CREB5: variants seen among roughly 807,000 people sequenced by gnomAD.
CREB5 encodes cAMP responsive element binding protein 5.
Under a neutral mutation model 57.1 loss-of-function variants are expected in CREB5, and 19 were observed. That is an observed-to-expected ratio of 0.33 (90% CI 0.23 to 0.49). The LOEUF is 0.49. Among genes scored for constraint, CREB5 ranks in the 20% least tolerant of loss-of-function variants. The pLI is 0.99. For missense variants in CREB5, 579 were observed against 671.6 expected, an observed-to-expected ratio of 0.86 and a Z score of 1.52; for synonymous variants, 238 against 238.3, an observed-to-expected ratio of 1.00 and a Z score of 0.01.
rs558753760 is a variant in CREB5, at chr7:28,494,732, C to T, written c.76-174C>T. 1.5e-4 allele frequency among the ~76,000 whole-genome samples: 23 copies of T among 151,130 alleles called. No homozygotes were observed. In the South Asian group the frequency reaches 4.4e-3, roughly 29 times the overall value. ...CAGCACATTTGCTTGCATAAAAAAG[C>T]TTTGCAACTTCACTTACTCATGCTT... On this transcript the variant is annotated intron_variant, in intron 2 of 10. Coordinates refer to ENST00000357727, the MANE Select transcript of CREB5 (RefSeq NM_182898.4).
At chr7:28,719,965 C>G (rs146888966) in intron 6 of CREB5, among the ~76,000 whole-genome samples, 1,613 of 152,264 alleles carry the variant, frequency 0.011, 38 homozygotes, top group African/African-American at 0.037. Flanking sequence ...GAAGCTGAGG[C>G]AGGAGAATCG....
intron 4 of CREB5, among the ~76,000 whole-genome samples, chr7:28,511,284 C>G (rs1369971442): frequency 6.6e-6 from 1 of 151,880 alleles, no homozygotes; most frequent in South Asian, 2.1e-4. Flanking sequence ...CAGGTACGTA[C>G]TGGGGAGAAG....
At chr7:28,401,081 T>A (rs1787452233) in intron 1 of CREB5, among the ~76,000 whole-genome samples, 1 of 152,246 alleles carries the variant, frequency 6.6e-6, no homozygotes, top group Non-Finnish European at 1.5e-5. Context: ...CAGGTGTCAA[T>A]CTCTTTCACT....
intron 1 of CREB5, among the ~76,000 whole-genome samples, chr7:28,451,465 T>C (rs1789803066): frequency 6.7e-6 from 1 of 149,888 alleles, no homozygotes. Flanking sequence ...TGTGTGTGTG[T>C]GTGTGTGTGT....
chr7:28,728,930 A>G (rs181842162), intron 7 of CREB5, among the ~76,000 whole-genome samples: 278 of 152,254 alleles, frequency 1.8e-3, no homozygotes, highest in Non-Finnish European at 3.2e-3. Flanking sequence ...AGAGAAAAGC[A>G]GTATGTCTGT....
At chr7:28,754,464 A>T (rs1430502450) in intron 7 of CREB5, among the ~76,000 whole-genome samples, 1 of 152,194 alleles carries the variant, frequency 6.6e-6, no homozygotes, top group Non-Finnish European at 1.5e-5. Flanking sequence ...AAAAGATGGT[A>T]CCTTCCGTTT....
At chr7:28,668,487 C>T (rs189809973) in intron 5 of CREB5, among the ~76,000 whole-genome samples, 27 of 152,126 alleles carry the variant, frequency 1.8e-4, no homozygotes, top group Admixed American at 1.3e-4. Context: ...TGGTTTTATA[C>T]GATGACAAAA....
intron 1 of CREB5, among the ~76,000 whole-genome samples, chr7:28,339,260 T>C (rs995401331): frequency 6.6e-6 from 1 of 152,140 alleles, no homozygotes; most frequent in Non-Finnish European, 1.5e-5. Context: ...TAGCCATCCT[T>C]CTTGAAAAGG....
chr7:28,784,860 C>T (rs1807220350), intron 7 of CREB5, among the ~76,000 whole-genome samples: 2 of 152,212 alleles, frequency 1.3e-5, no homozygotes, highest in South Asian at 2.1e-4. Context: ...TGTGGGGAAT[C>T]GAAGCGGCTG....
intron 4 of CREB5, among the ~76,000 whole-genome samples, chr7:28,547,660 A>G (rs1794470443): frequency 6.6e-6 from 1 of 152,240 alleles, no homozygotes; most frequent in Non-Finnish European, 1.5e-5. Context: ...ACTGGTCACC[A>G]TAGCCTAGCT....
chr7:28,671,452 G>A (rs540393809), intron 5 of CREB5, among the ~76,000 whole-genome samples: 1 of 152,242 alleles, frequency 6.6e-6, no homozygotes, highest in African/African-American at 2.4e-5. Context: ...ACTCTTAGAT[G>A]TTGCTAGTTC....
At chr7:28,625,874 A>G (rs1797981241) in intron 5 of CREB5, among the ~76,000 whole-genome samples, 1 of 152,198 alleles carries the variant, frequency 6.6e-6, no homozygotes, top group Non-Finnish European at 1.5e-5. Flanking sequence ...CAATAAGAAC[A>G]ATTTTCTGAA....
chr7:28,809,245 C>G lies in CREB5; in HGVS notation c.1085C>G (p.Thr362Arg), dbSNP rs1364819784. 1 of 1,614,152 alleles carries G rather than the reference C, an allele frequency of 6.2e-7. No individual in the cohort carries two copies. Among genetic ancestry groups the G allele is most frequent in the Non-Finnish European group, 8.5e-7 (1 of 1,180,028 alleles). ...CAGACAATACAGCCACCCCAGCCCACAGGGGGGCGCCGGCGAAGGGTGGTA... is the reference window on the plus strand; with the variant it reads ...CAGACAATACAGCCACCCCAGCCCAGAGGGGGGCGCCGGCGAAGGGTGGTA... Reference protein sequence around the residue: ...PTQTIQPPQPTGGRRRRVVDE... With the variant: ...PTQTIQPPQPRGGRRRRVVDE... Residue 362 changes from threonine (T) to arginine (R), a missense_variant, in exon 9 of 11, where the codon ACA (threonine) becomes AGA (arginine). Physicochemically the swap from Thr to Arg is moderately conservative, Grantham distance 71. Coordinates refer to ENST00000357727, the MANE Select transcript of CREB5 (RefSeq NM_182898.4).
intron 5 of CREB5, among the ~76,000 whole-genome samples, chr7:28,705,378 A>AAAAAG (rs747315600): frequency 7.0e-4 from 26 of 37,144 alleles, no homozygotes; most frequent in Admixed American, 5.0e-3. Context: ...AAAAAAAAAA[A>AAAAAG]AAAGAAAGAA....
chr7:28,410,912 C>T (rs1026942099), upstream of CREB5: 6 of 276,570 alleles, frequency 2.2e-5, no homozygotes, highest in East Asian at 5.2e-4. Context: ...TTATTGCCCT[C>T]TCTTCCCAGC....
At chr7:28,527,590 G>A (rs1466006847) in intron 4 of CREB5, among the ~76,000 whole-genome samples, 3 of 152,158 alleles carry the variant, frequency 2.0e-5, no homozygotes, top group African/African-American at 7.2e-5. Context: ...GCTCATGTAG[G>A]AGGATCACTT....
intron 5 of CREB5, among the ~76,000 whole-genome samples, chr7:28,700,112 C>A (rs1387690175): frequency 1.3e-5 from 2 of 152,144 alleles, no homozygotes; most frequent in Admixed American, 6.6e-5. Flanking sequence ...CTATGAATGA[C>A]AGTAGTTGTT....
At chr7:28,560,855 T>TGCGTGCGTGCGCGTGCGTGC (rs1554344299) in intron 4 of CREB5, among the ~76,000 whole-genome samples, 3 of 56,388 alleles carry the variant, frequency 5.3e-5, no homozygotes, top group Non-Finnish European at 1.1e-4. Flanking sequence ...CGCGTGTGTG[T>TGCGTGCGTGCGCGTGCGTGC]GTGCGTGTGC....
intron 4 of CREB5, among the ~76,000 whole-genome samples, chr7:28,557,276 A>G (rs1794917709): frequency 6.6e-6 from 1 of 152,238 alleles, no homozygotes; most frequent in African/African-American, 2.4e-5. Context: ...ACTGAGAAAC[A>G]GTGGAATCTC....
Sources: allele counts gnomAD v4.1 joint callset (sites outside exome capture counted in the v4.1 genomes callset), GRCh38; gene constraint gnomAD v4.1.1; transcripts MANE v1.5; gene names NCBI Gene and HGNC (gene_info 2026-07-23, HGNC 2026-07-21).